The following PTPN11 variants were observed in gnomAD, a reference collection of about 807,000 sequenced individuals.
The protein encoded by PTPN11 is protein tyrosine phosphatase non-receptor type 11, also known as tyrosine-protein phosphatase non-receptor type 11.
A neutral mutation model predicts 78.8 loss-of-function variants in PTPN11; 6 were observed. The observed-to-expected ratio is 0.08, with a 90% confidence interval of 0.04 to 0.15. The LOEUF is 0.15. PTPN11 is among the 10% of genes least tolerant of loss of function. The pLI is 1.00. For synonymous variants in PTPN11, 221 were observed against 263.5 expected (o/e 0.84, Z 1.56); for missense variants, 386 against 744.8 (o/e 0.52, Z 5.61).
chr12:112,434,275 G>A (rs900500828), intron 1 of PTPN11, among the ~76,000 whole-genome samples: 7 of 151,950 alleles, frequency 4.6e-5, no homozygotes, highest in African/African-American at 1.7e-4. Context: ...GTGAGACCCT[G>A]TCTCTAAAAA....
At position 112,504,526 on chromosome 12, in the gene PTPN11, G is replaced by A. The variant is rs1229083171; in HGVS notation, c.1713-169G>A. ...CTTCTGCCTCTGTAATTATATTGCT[G>A]TATGGCTATCTCTTCTCTCCCTGGG... On this transcript the variant is annotated intron_variant, in intron 14 of 15. Coordinates refer to ENST00000351677, the MANE Select transcript of PTPN11 (RefSeq NM_002834.5). This position sits in a 1 kb window ranked among gnomAD's most constrained non-coding sequence, Gnocchi z 4.7. 2.0e-5 allele frequency among the ~76,000 whole-genome samples: 3 copies of A among 152,180 alleles called. No individual in the cohort carries two copies. Among genetic ancestry groups the A allele is most frequent in the Non-Finnish European group, 2.9e-5 (2 of 68,028 alleles).
chr12:112,457,809 C>G (rs2038186788), intron 6 of PTPN11, among the ~76,000 whole-genome samples: 1 of 152,190 alleles, frequency 6.6e-6, no homozygotes. Context: ...AATGTGATCT[C>G]TTTCATTTTC....
In PTPN11 at chr12:112,507,055, C is replaced by G; in HGVS notation, c.*1263C>G. ...CTACTTACTAAACAAGTCACAAGCC[C>G]AGCTCAGATTCAAGAAAAGGGTGTG... On this transcript the variant is annotated 3_prime_UTR_variant, in exon 16 of 16. Transcript: ENST00000351677. 5.7e-6 allele frequency: 1 copy of G among 175,500 alleles called. No homozygotes were observed. Among genetic ancestry groups the G allele is most frequent in the Non-Finnish European group, 1.2e-5 (1 of 82,584 alleles). The allele number at this position is 175,500 out of a possible 1,614,324, so 10.9% of individuals were successfully genotyped here.
intron 1 of PTPN11, among the ~76,000 whole-genome samples, chr12:112,434,086 C>T (rs753611927): frequency 6.6e-6 from 1 of 151,990 alleles, no homozygotes; most frequent in Non-Finnish European, 1.5e-5. Flanking sequence ...TGAGACCAGG[C>T]AGAGCAAGAT....
Position 112,438,632 on chromosome 12 carries a change from C to T in PTPN11, c.15-7644C>T, listed in dbSNP as rs934079426. ...GAGTAGCTGAGACTGCAGGTGCATGCCACCATACCCGGCTAATTTTTGTAT... is the reference window on the plus strand; with the variant it reads ...GAGTAGCTGAGACTGCAGGTGCATGTCACCATACCCGGCTAATTTTTGTAT... On this transcript the variant is annotated intron_variant, in intron 1 of 15. Coordinates refer to ENST00000351677, the MANE Select transcript of PTPN11 (RefSeq NM_002834.5). Among the ~76,000 whole-genome samples the T allele has an allele frequency of 3.3e-5, 5 of 152,084 alleles. No individual in the cohort carries two copies. In the East Asian group the frequency reaches 5.8e-4, roughly 18 times the overall value.
chr12:112,502,161 G>C lies in PTPN11; in HGVS notation c.1617G>C (p.Gly539=). 1 of 1,613,546 alleles carries C rather than the reference G, an allele frequency of 6.2e-7. No homozygotes were observed. Among genetic ancestry groups the C allele is most frequent in the Non-Finnish European group, 8.5e-7 (1 of 1,179,554 alleles). ...AATTTCAGAAAAGCAAGAGGAAAGG[G>C]CACGAATATACAAATATTAAGTATT... is the stretch of plus-strand genomic sequence containing the variant. ...IEEEQKSKRK[G]HEYTNIKYSL... Residue 539 remains glycine (G), a synonymous_variant, in exon 14 of 16, where the codon GGG becomes GGC. Transcript: ENST00000351677.
intron 12 of PTPN11, 113 bp from the exon 13 acceptor site, chr12:112,488,911 A>G: frequency 7.0e-7 from 1 of 1,433,686 alleles, no homozygotes; most frequent in Non-Finnish European, 9.7e-7. Flanking sequence ...TGCTCAGTTA[A>G]AACAGCAAAG....
chr12:112,491,912 G>T (rs1056544512), intron 13 of PTPN11, among the ~76,000 whole-genome samples: 8 of 152,148 alleles, frequency 5.3e-5, no homozygotes, highest in African/African-American at 1.9e-4. Context: ...TCGCCGTGTT[G>T]CCCCGGCTGG....
chr12:112,444,679 A>T (rs74374761), intron 1 of PTPN11, among the ~76,000 whole-genome samples: 1,657 of 152,286 alleles, frequency 0.011, 27 homozygotes, highest in African/African-American at 0.037. Flanking sequence ...AGTTAAAAAA[A>T]TAGGAAACTA....
chr12:112,477,240 C>T (rs1186490685), intron 7 of PTPN11, among the ~76,000 whole-genome samples: 1 of 152,070 alleles, frequency 6.6e-6, no homozygotes, highest in Non-Finnish European at 1.5e-5. Flanking sequence ...TGGTCTTGAC[C>T]TCCTGACCTC....
At position 112,509,092 on chromosome 12, in the gene PTPN11, T is replaced by C. The variant is rs886048980; in HGVS notation, c.*3300T>C. ...CAAAGCCAGTGCAGCTTTTGTTTTC[T>C]GTATGTTGTTGGGGGATCAACTTTC... is the stretch of plus-strand genomic sequence containing the variant. On this transcript the variant is annotated 3_prime_UTR_variant, in exon 16 of 16. Transcript: ENST00000351677. The C allele has an allele frequency of 6.6e-6, 1 of 152,264 alleles. No homozygotes were observed. Among genetic ancestry groups the C allele is most frequent in the Non-Finnish European group, 1.5e-5 (1 of 68,056 alleles). The allele number at this position is 152,264 out of a possible 1,614,324, so 9.4% of individuals were successfully genotyped here.
intron 10 of PTPN11, among the ~76,000 whole-genome samples, chr12:112,486,214 A>C (rs902536797): frequency 6.6e-6 from 1 of 152,112 alleles, no homozygotes; most frequent in African/African-American, 2.4e-5. Flanking sequence ...CTGGTAATTC[A>C]GAGAGATGAT....
At chr12:112,474,223 G>A (rs1262735369) in intron 7 of PTPN11, among the ~76,000 whole-genome samples, 1 of 152,134 alleles carries the variant, frequency 6.6e-6, no homozygotes, top group Non-Finnish European at 1.5e-5. Flanking sequence ...GGTGGTGGAT[G>A]CCTGTAATCC....
At chr12:112,469,341 A>G (rs1373111888) in intron 6 of PTPN11, among the ~76,000 whole-genome samples, 2 of 149,914 alleles carry the variant, frequency 1.3e-5, no homozygotes, top group Admixed American at 6.7e-5. Context: ...TTTAACATCT[A>G]CCTCTAACAC....
intron 4 of PTPN11, 23 bp downstream of exon 4, chr12:112,453,410 G>A: frequency 6.2e-7 from 1 of 1,609,740 alleles, no homozygotes; most frequent in South Asian, 1.1e-5. Flanking sequence ...TTGAAAAATG[G>A]GTCTGGCAAG....
chr12:112,430,186 A>T (rs933450289), intron 1 of PTPN11, among the ~76,000 whole-genome samples: 5 of 151,694 alleles, frequency 3.3e-5, no homozygotes, highest in Admixed American at 6.6e-5. Context: ...ACACTCGGCT[A>T]TTTTTTGCAT....
chr12:112,459,433 CT>C lies in PTPN11; in HGVS notation c.756+3385del, dbSNP rs200008574. Among the ~76,000 whole-genome samples, 848 of 141,362 alleles carry C rather than the reference CT, an allele frequency of 6.0e-3. 1 individual carries two copies. The highest frequency in any genetic ancestry group is 7.1e-3 in the African/African-American group (274 of 38,674). 92.7% of individuals were successfully genotyped at this position (141,362 alleles called of 152,430 possible). On this transcript the variant is annotated intron_variant, in intron 6 of 15. Transcript: ENST00000351677. ...GCCCTGACTTGTCTTGAAGCAAATA[CT>C]TTTTTTTTTTTTTTGAGATAGAGTT...
intron 3 of PTPN11, among the ~76,000 whole-genome samples, chr12:112,452,212 C>T (rs970698559): frequency 6.6e-6 from 1 of 151,584 alleles, no homozygotes; most frequent in Admixed American, 6.6e-5. Flanking sequence ...TTTATTTTGA[C>T]TTTATTTTTA....
chr12:112,453,123 C>G, intron 3 of PTPN11, 72 bp from the exon 4 acceptor site: 1 of 1,274,752 alleles, frequency 7.8e-7, no homozygotes, highest in Admixed American at 1.7e-5. Flanking sequence ...TGACTGTATA[C>G]AGTAGTTTTG....
Sources: allele counts gnomAD v4.1 joint callset (sites outside exome capture counted in the v4.1 genomes callset), GRCh38; gene constraint gnomAD v4.1.1; non-coding constraint Gnocchi (gnomAD v3.1); transcripts MANE v1.5; gene names NCBI Gene and HGNC (gene_info 2026-07-23, HGNC 2026-07-21).